The following SLC35F3 variants were observed in gnomAD, a reference collection of about 807,000 sequenced individuals.
SLC35F3 encodes the protein putative thiamine transporter SLC35F3.
In SLC35F3, 25 loss-of-function variants were observed where a neutral mutation model predicts 49.9. The observed-to-expected ratio is 0.50, with a 90% CI of 0.37 to 0.70. The LOEUF is 0.70. Ranked by LOEUF, SLC35F3 falls within the 30% of genes least tolerant of loss-of-function variation. The pLI is 0.00. For synonymous variants in SLC35F3, 275 were observed against 265.4 expected, an observed-to-expected ratio of 1.04 and a Z score of -0.35; for missense variants, 525 against 639.8, an observed-to-expected ratio of 0.82 and a Z score of 1.94.
intron 2 of SLC35F3, among the ~76,000 whole-genome samples, chr1:233,933,812 C>T (rs1175528914): frequency 6.6e-6 from 1 of 152,096 alleles, no homozygotes; most frequent in African/African-American, 2.4e-5. Flanking sequence ...GAGATGGTGC[C>T]ATTGCATTCC....
chr1:233,951,162 C>G (rs1662601048), intron 2 of SLC35F3, among the ~76,000 whole-genome samples: 1 of 151,224 alleles, frequency 6.6e-6, no homozygotes, highest in South Asian at 2.1e-4. Context: ...AACATAGAGT[C>G]ATGCACCATG....
At chr1:234,077,870 T>G (rs1362430414) in intron 2 of SLC35F3, among the ~76,000 whole-genome samples, 14 of 152,236 alleles carry the variant, frequency 9.2e-5, no homozygotes, top group Admixed American at 7.2e-4. Flanking sequence ...GCCTCCACCC[T>G]CCACCTCCAA....
chr1:234,311,460 C>G (rs1443882191), intron 4 of SLC35F3, among the ~76,000 whole-genome samples: 1 of 152,198 alleles, frequency 6.6e-6, no homozygotes, highest in African/African-American at 2.4e-5. Flanking sequence ...AGCATATGAG[C>G]TTGAGAGTCA....
At chr1:234,136,237 CCT>C (rs1181031704) in intron 2 of SLC35F3, among the ~76,000 whole-genome samples, 1 of 144,450 alleles carries the variant, frequency 6.9e-6, no homozygotes, top group African/African-American at 2.6e-5. Flanking sequence ...TTCCTCCCTT[CCT>C]CTCTTTCTCT....
chr1:234,229,713 A>T (rs1572104921), intron 2 of SLC35F3, among the ~76,000 whole-genome samples: 1 of 151,950 alleles, frequency 6.6e-6, no homozygotes, highest in South Asian at 2.1e-4. Flanking sequence ...ATAGTGACAA[A>T]CCCCTCTAAC....
intron 3 of SLC35F3, among the ~76,000 whole-genome samples, chr1:234,249,712 G>A (rs764666669): frequency 6.6e-6 from 1 of 152,200 alleles, no homozygotes; most frequent in Non-Finnish European, 1.5e-5. Context: ...GAATTCAAAT[G>A]GTCTCTCACC....
chr1:234,217,695 A>G (rs1667143307), intron 2 of SLC35F3, among the ~76,000 whole-genome samples: 1 of 151,990 alleles, frequency 6.6e-6, no homozygotes, highest in Admixed American at 6.5e-5. Flanking sequence ...TCTGAGAAGG[A>G]GGGCTTCTAA....
intron 2 of SLC35F3, among the ~76,000 whole-genome samples, chr1:234,038,646 G>A (rs1664179003): frequency 6.6e-6 from 1 of 152,162 alleles, no homozygotes; most frequent in African/African-American, 2.4e-5. Flanking sequence ...ATGAAAAAAT[G>A]CTCATCATCA....
chr1:233,991,096 A>G (rs1364636722), intron 2 of SLC35F3, among the ~76,000 whole-genome samples: 1 of 152,232 alleles, frequency 6.6e-6, no homozygotes, highest in Non-Finnish European at 1.5e-5. Flanking sequence ...CCTGCTTTCC[A>G]TCGCTGCAGT....
chr1:233,929,693 T>G (rs1023317293), intron 2 of SLC35F3, among the ~76,000 whole-genome samples: 2 of 152,140 alleles, frequency 1.3e-5, no homozygotes, highest in African/African-American at 4.8e-5. Context: ...AATGCAACCC[T>G]TAAAGAGCCT....
intron 3 of SLC35F3, among the ~76,000 whole-genome samples, chr1:234,268,274 G>A (rs1462952711): frequency 2.6e-5 from 4 of 152,232 alleles, no homozygotes; most frequent in East Asian, 1.9e-4. Flanking sequence ...CCAACACAGC[G>A]AAACCCCGTC....
chr1:234,001,030 G>T (rs191662705), intron 2 of SLC35F3, among the ~76,000 whole-genome samples: 2 of 152,302 alleles, frequency 1.3e-5, no homozygotes, highest in East Asian at 3.9e-4. Flanking sequence ...CCGTACAGAT[G>T]TCAGCTTCTT....
chr1:234,145,944 G>A (rs955742051), intron 2 of SLC35F3, among the ~76,000 whole-genome samples: 4 of 152,010 alleles, frequency 2.6e-5, no homozygotes, highest in African/African-American at 7.3e-5. Context: ...TTATACCCCA[G>A]CTTTCTAACT....
chr1:234,022,463 T>G (rs1053088680), intron 2 of SLC35F3, among the ~76,000 whole-genome samples: 11 of 65,584 alleles, frequency 1.7e-4, no homozygotes, highest in Non-Finnish European at 2.8e-4. Flanking sequence ...TTTGGGGACC[T>G]CACAGGTTTT....
intron 2 of SLC35F3, among the ~76,000 whole-genome samples, chr1:234,039,298 T>A (rs544751416): frequency 5.9e-5 from 9 of 152,304 alleles, no homozygotes; most frequent in African/African-American, 2.2e-4. Context: ...AGTCAAGGAA[T>A]GAAACCATTC....
intron 2 of SLC35F3, among the ~76,000 whole-genome samples, chr1:234,166,687 GC>G (rs1558247945): frequency 6.6e-6 from 1 of 152,192 alleles, no homozygotes; most frequent in Non-Finnish European, 1.5e-5. Context: ...ATAGGAGGGA[GC>G]AGGAAGGCCC....
chr1:234,092,905 A>C (rs1665064954), intron 2 of SLC35F3, among the ~76,000 whole-genome samples: 1 of 152,164 alleles, frequency 6.6e-6, no homozygotes, highest in African/African-American at 2.4e-5. Flanking sequence ...AATAAAATAA[A>C]GATGAATGTT....
chr1:234,275,532 A>G (rs1296936308), intron 3 of SLC35F3, among the ~76,000 whole-genome samples: 2 of 152,062 alleles, frequency 1.3e-5, no homozygotes, highest in Non-Finnish European at 2.9e-5. Context: ...CTCCTACATC[A>G]GCTGAGATAG....
At chr1:234,087,808 G>A (rs1664982725) in intron 2 of SLC35F3, among the ~76,000 whole-genome samples, 2 of 152,120 alleles carry the variant, frequency 1.3e-5, no homozygotes, top group Admixed American at 6.6e-5. Context: ...ACAGCCATGG[G>A]GCTTCCTTGG....
Sources: gnomAD v4.1 joint callset for allele counts (sites outside exome capture counted in the v4.1 genomes callset) on GRCh38, gnomAD v4.1.1 for gene constraint, MANE v1.5 for transcripts, NCBI Gene and HGNC (gene_info 2026-07-23, HGNC 2026-07-21) for gene names.